CPNE4: variants seen among roughly 807,000 people sequenced by gnomAD.
The protein encoded by CPNE4 is copine 4, also known as copine-4.
In CPNE4, 25 loss-of-function variants were observed where a neutral mutation model predicts 67.9. That is an observed-to-expected ratio of 0.37 (90% CI 0.27 to 0.51). The LOEUF (loss-of-function observed/expected upper bound fraction) is 0.51. Among genes scored for constraint, CPNE4 ranks in the 20% least tolerant of loss-of-function variants. The pLI is 0.93. For missense variants in CPNE4, 464 were observed against 690.8 expected (o/e 0.67, Z 3.68); for synonymous variants, 242 against 244.9 (o/e 0.99, Z 0.11).
In CPNE4 at chr3:131,885,473, G is replaced by A. The variant is rs906841926; in HGVS notation, c.180+19791C>T. 1.3e-4 allele frequency among the ~76,000 whole-genome samples: 20 copies of A among 151,720 alleles called. 1 individual carries two copies. Among genetic ancestry groups the A allele is most frequent in the Non-Finnish European group, 5.9e-5 (4 of 67,946 alleles). On this transcript the variant is annotated intron_variant, in intron 2 of 15. Coordinates refer to ENST00000429747, the MANE Select transcript of CPNE4 (RefSeq NM_130808.3). ...TTGATTTATGACAAATACAGCACCT[G>A]TTGCAGTGGGCAAAGGATGGTGTTT... is the stretch of plus-strand genomic sequence containing the variant.
rs1435461698 is a variant in CPNE4 at position 131,990,256 on chromosome 3, G to A, written c.-2+44311C>T. Among the ~76,000 whole-genome samples, 2 of 136,286 alleles carry A rather than the reference G, an allele frequency of 1.5e-5. 1 individual carries two copies. The highest frequency in any genetic ancestry group is 3.3e-5 in the Non-Finnish European group (2 of 60,052). The allele number at this position is 136,286 out of a possible 152,430, so 89.4% of individuals were successfully genotyped here. ...AATCAGTAAGTTTAGTTTTACGAAAGAATAATTTTCACTATCTAAATTATG... is the reference window on the plus strand; with the variant it reads ...AATCAGTAAGTTTAGTTTTACGAAAAAATAATTTTCACTATCTAAATTATG... On this transcript the variant is annotated intron_variant, in intron 1 of 15. Coordinates refer to ENST00000429747, the MANE Select transcript of CPNE4 (RefSeq NM_130808.3).
chr3:131,729,818 T>C (rs926317719), intron 2 of CPNE4, among the ~76,000 whole-genome samples: 1 of 152,154 alleles, frequency 6.6e-6, no homozygotes, highest in Non-Finnish European at 1.5e-5. Flanking sequence ...TTCCTAGGAC[T>C]AAAAAAATGC....
chr3:131,932,449 G>A (rs368405615), intron 1 of CPNE4, among the ~76,000 whole-genome samples: 13 of 152,096 alleles, frequency 8.5e-5, no homozygotes, highest in East Asian at 7.7e-4. Context: ...AGACTGACCC[G>A]GACCCTTATG....
chr3:131,795,162 C>A (rs2083886826), intron 2 of CPNE4, among the ~76,000 whole-genome samples: 1 of 152,172 alleles, frequency 6.6e-6, no homozygotes, highest in Non-Finnish European at 1.5e-5. Context: ...AGAGCTCTTT[C>A]CGTCAGCACT....
intron 3 of CPNE4, among the ~76,000 whole-genome samples, chr3:131,710,690 C>A (rs1465274304): frequency 6.6e-6 from 1 of 152,172 alleles, no homozygotes; most frequent in Non-Finnish European, 1.5e-5. Flanking sequence ...CTTCACATAA[C>A]ATAATATCTG....
intron 7 of CPNE4, among the ~76,000 whole-genome samples, chr3:131,628,380 G>C (rs1373554368): frequency 6.6e-6 from 1 of 152,194 alleles, no homozygotes; most frequent in Non-Finnish European, 1.5e-5. Flanking sequence ...AAATGAGAGG[G>C]AAGCAAAAGC....
At chr3:131,997,324 T>G (rs931998226) in intron 1 of CPNE4, among the ~76,000 whole-genome samples, 15 of 152,250 alleles carry the variant, frequency 9.9e-5, no homozygotes, top group Non-Finnish European at 1.9e-4. Context: ...TCCTCCCCAC[T>G]GTAGAGACTG....
intron 1 of CPNE4, among the ~76,000 whole-genome samples, chr3:131,959,883 T>C (rs1174242435): frequency 6.6e-6 from 1 of 152,158 alleles, no homozygotes; most frequent in Non-Finnish European, 1.5e-5. Flanking sequence ...GAAAGAACCT[T>C]GTTTCTTTTT....
chr3:131,704,436 G>A (rs1176068178), intron 3 of CPNE4, among the ~76,000 whole-genome samples: 1 of 152,154 alleles, frequency 6.6e-6, no homozygotes, highest in African/African-American at 2.4e-5. Flanking sequence ...TGTTCAATAT[G>A]GGTGCCTGAC....
chr3:131,823,111 T>C (rs569439285), intron 2 of CPNE4, among the ~76,000 whole-genome samples: 60 of 152,342 alleles, frequency 3.9e-4, no homozygotes, highest in African/African-American at 1.4e-3. Context: ...AGTGCTGGGA[T>C]TACAGGCATG....
intron 1 of CPNE4, among the ~76,000 whole-genome samples, chr3:131,972,936 C>G (rs1294488818): frequency 6.6e-6 from 1 of 152,194 alleles, no homozygotes; most frequent in Non-Finnish European, 1.5e-5. Context: ...TAATCTTTCT[C>G]TGAAGTCCCA....
At chr3:132,029,454 T>C (rs1463799154) in intron 1 of CPNE4, among the ~76,000 whole-genome samples, 2 of 152,154 alleles carry the variant, frequency 1.3e-5, no homozygotes, top group East Asian at 1.9e-4. Context: ...GGAGGTTGAC[T>C]CTGCTAGTGC....
chr3:131,693,073 A>T (rs1417517124), intron 5 of CPNE4, among the ~76,000 whole-genome samples: 1 of 152,180 alleles, frequency 6.6e-6, no homozygotes, highest in Non-Finnish European at 1.5e-5. Flanking sequence ...AAGCTATTTT[A>T]TGTACTCACT....
intron 2 of CPNE4, among the ~76,000 whole-genome samples, chr3:131,833,000 A>G (rs916007468): frequency 6.6e-6 from 1 of 152,152 alleles, no homozygotes; most frequent in African/African-American, 2.4e-5. Context: ...TAGGTGATTT[A>G]TGAGAGCAGA....
chr3:131,978,105 A>G (rs1434307549), intron 1 of CPNE4, among the ~76,000 whole-genome samples: 3 of 69,748 alleles, frequency 4.3e-5, no homozygotes, highest in African/African-American at 2.1e-4. Flanking sequence ...ATATAAATAT[A>G]TATAAAATAT....
chr3:131,597,307 G>A (rs1938937604), intron 7 of CPNE4, among the ~76,000 whole-genome samples: 1 of 152,050 alleles, frequency 6.6e-6, no homozygotes, highest in African/African-American at 2.4e-5. Context: ...AGGGCCTGTT[G>A]TGGGGTGGGG....
Position 131,764,012 on chromosome 3 carries a change from T to C in CPNE4, c.181-40387A>G, listed in dbSNP as rs558774324. Reference sequence around the variant, plus strand: ...TCCTCATAACAACCCTATGAGGCAATACTTTTATGATTCCTATTTCACTGG... The same window carrying C: ...TCCTCATAACAACCCTATGAGGCAACACTTTTATGATTCCTATTTCACTGG... On this transcript the variant is annotated intron_variant, in intron 2 of 15. Transcript: ENST00000429747. 2.0e-5 allele frequency among the ~76,000 whole-genome samples: 3 copies of C among 152,190 alleles called. No homozygotes were observed. In the South Asian group the frequency reaches 6.2e-4, roughly 32 times the overall value.
At chr3:131,988,962 C>T (rs906311738) in intron 1 of CPNE4, among the ~76,000 whole-genome samples, 1 of 152,142 alleles carries the variant, frequency 6.6e-6, no homozygotes, top group Non-Finnish European at 1.5e-5. Flanking sequence ...CTATGCATTT[C>T]CCCTCTTTCT....
intron 7 of CPNE4, among the ~76,000 whole-genome samples, chr3:131,597,990 C>T (rs558360027): frequency 1.3e-5 from 2 of 152,274 alleles, no homozygotes; most frequent in South Asian, 4.1e-4. Context: ...GGCCCTGTCT[C>T]TGCACTGCAA....
Sources: allele counts gnomAD v4.1 joint callset (sites outside exome capture counted in the v4.1 genomes callset), GRCh38; gene constraint gnomAD v4.1.1; transcripts MANE v1.5; gene names NCBI Gene and HGNC (gene_info 2026-07-23, HGNC 2026-07-21).